The following LIN52 variants were observed in gnomAD, a reference collection of about 807,000 sequenced individuals.
The protein encoded by LIN52 is protein lin-52 homolog.
Under a neutral mutation model 18.5 loss-of-function variants are expected in LIN52, and 4 were observed. The ratio of observed to expected loss-of-function variants is 0.22; its 90% CI spans 0.11 to 0.49. The LOEUF (loss-of-function observed/expected upper bound fraction) is 0.49, where lower values mean the gene tolerates loss of function less well. Ranked by LOEUF, LIN52 falls within the 20% of genes least tolerant of loss-of-function variation. LIN52 has a pLI of 0.97. For synonymous variants in LIN52, 34 were observed against 45.5 expected (o/e 0.75, Z 1.02); for missense variants, 102 against 139.5 (o/e 0.73, Z 1.35).
chr14:74,094,232 G>GA (rs779961191), intron 2 of LIN52, among the ~76,000 whole-genome samples: 4 of 151,252 alleles, frequency 2.6e-5, no homozygotes, highest in Non-Finnish European at 4.4e-5. Flanking sequence ...ACATTATTTG[G>GA]AAACTTAAGT....
chr14:74,153,276 C>T (rs1215233288), intron 5 of LIN52, among the ~76,000 whole-genome samples: 1 of 152,072 alleles, frequency 6.6e-6, no homozygotes, highest in East Asian at 1.9e-4. Flanking sequence ...TTTGCAGATA[C>T]CCCTCCCAAC....
intron 2 of LIN52, among the ~76,000 whole-genome samples, chr14:74,094,085 A>C (rs1255686749): frequency 6.6e-6 from 1 of 151,864 alleles, no homozygotes. Flanking sequence ...TTTTCTTCAT[A>C]ATGTTGGAGT....
intron 1 of LIN52, among the ~76,000 whole-genome samples, chr14:74,087,611 A>T (rs1274049287): frequency 6.6e-6 from 1 of 152,142 alleles, no homozygotes; most frequent in African/African-American, 2.4e-5. Context: ...CTAAATAAGT[A>T]TCTCATTCCA....
intron 5 of LIN52, among the ~76,000 whole-genome samples, chr14:74,194,884 C>T (rs2078900321): frequency 6.6e-6 from 1 of 152,172 alleles, no homozygotes; most frequent in Non-Finnish European, 1.5e-5. Context: ...GTGGCTCATG[C>T]CTATAATCCT....
chr14:74,184,744 A>G (rs1022864707), intron 5 of LIN52, among the ~76,000 whole-genome samples: 1 of 152,178 alleles, frequency 6.6e-6, no homozygotes, highest in African/African-American at 2.4e-5. Context: ...TCATCTGTCA[A>G]TTTTCAGAAT....
At chr14:74,119,053 G>C (rs149809816) in intron 5 of LIN52, among the ~76,000 whole-genome samples, 3 of 151,004 alleles carry the variant, frequency 2.0e-5, no homozygotes, top group South Asian at 4.2e-4. Flanking sequence ...TTATTTCCTC[G>C]TTCTACTAAT....
At chr14:74,155,934 G>T (rs769766767) in intron 5 of LIN52, among the ~76,000 whole-genome samples, 1 of 152,064 alleles carries the variant, frequency 6.6e-6, no homozygotes, top group Non-Finnish European at 1.5e-5. Flanking sequence ...CAGAAGAGTG[G>T]GAAGGAGATT....
At chr14:74,117,789 A>G (rs553143138) in intron 5 of LIN52, among the ~76,000 whole-genome samples, 25 of 152,310 alleles carry the variant, frequency 1.6e-4, no homozygotes, top group Admixed American at 1.2e-3. Flanking sequence ...GCGATAATGC[A>G]TGGGAATTTA....
chr14:74,117,763 TATG>T (rs1862048988), intron 5 of LIN52, among the ~76,000 whole-genome samples: 1 of 152,204 alleles, frequency 6.6e-6, no homozygotes, highest in East Asian at 1.9e-4. Context: ...GTGTTGATAA[TATG>T]ATCTGGAAGG....
chr14:74,108,343 CA>C (rs2060909269), intron 5 of LIN52, among the ~76,000 whole-genome samples: 1 of 152,108 alleles, frequency 6.6e-6, no homozygotes, highest in Admixed American at 6.6e-5. Flanking sequence ...CAGGTTCAAC[CA>C]AAACACACAA....
rs149099646 is a variant in LIN52, at chr14:74,181,107, CAAAAAAA to C, written c.284-17800_284-17794del. Among the ~76,000 whole-genome samples the C allele has an allele frequency of 3.5e-4, 34 of 96,118 alleles. No homozygotes were observed. In the East Asian group the frequency reaches 3.6e-3, roughly 10 times the overall value. The allele number at this position is 96,118 out of a possible 152,430, so 63.1% of individuals were successfully genotyped here. A position where few individuals can be genotyped will look rare whatever the true frequency, so the allele number is the denominator to read the frequency against. On this transcript the variant is annotated intron_variant, in intron 5 of 5. Coordinates refer to ENST00000555028, the MANE Select transcript of LIN52 (RefSeq NM_001024674.3). ...TGGGTGATGGAGCAAGACTCTGTCT[CAAAAAAA>C]AAAAAAAAAAAAAAGAAAAAAGAAA...
chr14:74,188,337 A>G (rs1050556924), intron 5 of LIN52, among the ~76,000 whole-genome samples: 5 of 152,212 alleles, frequency 3.3e-5, no homozygotes, highest in Non-Finnish European at 7.3e-5. Flanking sequence ...TATTGCGATG[A>G]AAAAATAGTG....
At position 74,135,303 on chromosome 14, in the gene LIN52, T is replaced by A. The variant is rs140188308; in HGVS notation, c.283+34065T>A. On this transcript the variant is annotated intron_variant, in intron 5 of 5. Coordinates refer to ENST00000555028, the MANE Select transcript of LIN52 (RefSeq NM_001024674.3). ...TATTCTTGATCTCCTGACCTCATGT[T>A]CTGCCCGCGTTGGCCTCCCAAAGTG... 2.8e-4 allele frequency among the ~76,000 whole-genome samples: 42 copies of A among 152,284 alleles called. No homozygotes were observed. In the East Asian group the frequency reaches 7.7e-3, roughly 28 times the overall value.
At chr14:74,192,272 T>TATTTTG (rs2078882275) in intron 5 of LIN52, among the ~76,000 whole-genome samples, 1 of 151,796 alleles carries the variant, frequency 6.6e-6, no homozygotes, top group Non-Finnish European at 1.5e-5. Context: ...ACAGTGGTTG[T>TATTTTG]TTTTTGTTTT....
rs57198851 is a variant in LIN52, at chr14:74,200,251, T to TA, written c.*1278dup. 60,288 of 120,362 alleles carry TA rather than the reference T, an allele frequency of 0.5. 17,274 individuals are homozygous for TA. Among genetic ancestry groups the TA allele is most frequent in the Non-Finnish European group, 0.64 (35,136 of 54,932 alleles). The allele number at this position is 120,362 out of a possible 1,614,324, so 7.5% of individuals were successfully genotyped here. ...CAATATGGTGAAACCCTGTCTCTAC[T>TA]AAAATACAAAAATTAGCTGGGCATG... On this transcript the variant is annotated 3_prime_UTR_variant, in exon 6 of 6. Transcript: ENST00000555028.
In LIN52 at chr14:74,201,199, G is replaced by A. The variant is rs1409621476; in HGVS notation, c.*2222G>A. ...ATAGTATTGTACTTTGTATGTGATGGTTTTTGTGTCTTCATAATAAATATG... is the reference window on the plus strand; with the variant it reads ...ATAGTATTGTACTTTGTATGTGATGATTTTTGTGTCTTCATAATAAATATG... On this transcript the variant is annotated 3_prime_UTR_variant, in exon 6 of 6. Coordinates refer to ENST00000555028, the MANE Select transcript of LIN52 (RefSeq NM_001024674.3). 6.6e-6 allele frequency: 1 copy of A among 152,126 alleles called. No homozygotes were observed. Among genetic ancestry groups the A allele is most frequent in the Non-Finnish European group, 1.5e-5 (1 of 68,026 alleles). 9.4% of individuals were successfully genotyped at this position (152,126 alleles called of 1,614,324 possible).
chr14:74,186,771 G>A (rs887472210), intron 5 of LIN52, among the ~76,000 whole-genome samples: 1 of 152,034 alleles, frequency 6.6e-6, no homozygotes, highest in East Asian at 1.9e-4. Context: ...GCCGAGGCAG[G>A]CGGATCACAA....
intron 5 of LIN52, among the ~76,000 whole-genome samples, chr14:74,177,073 A>G (rs1011219585): frequency 5.3e-5 from 8 of 150,464 alleles, no homozygotes; most frequent in Non-Finnish European, 4.4e-5. Context: ...ATCTCGGCTC[A>G]CTGCAACCTC....
At chr14:74,130,954 A>ATTATTTAT (rs138444518) in intron 5 of LIN52, among the ~76,000 whole-genome samples, 16 of 150,880 alleles carry the variant, frequency 1.1e-4, no homozygotes, top group Non-Finnish European at 1.9e-4. Flanking sequence ...TAAAATTTTT[A>ATTATTTAT]TTATTTATTT....
Sources: allele counts gnomAD v4.1 joint callset (sites outside exome capture counted in the v4.1 genomes callset), GRCh38; gene constraint gnomAD v4.1.1; transcripts MANE v1.5; gene names NCBI Gene and HGNC (gene_info 2026-07-23, HGNC 2026-07-21).